SYN2: variants seen among roughly 807,000 people sequenced by gnomAD.
The protein encoded by SYN2 is synapsin II, also known as synapsin-2.
SYN2 carries 19 observed loss-of-function variants against 50.9 expected under a neutral mutation model. That is an observed-to-expected ratio of 0.37 (90% CI 0.26 to 0.55). The LOEUF is 0.55. Among genes scored for constraint, SYN2 ranks in the 20% least tolerant of loss-of-function variants. The pLI is 0.81. For synonymous variants in SYN2, 255 were observed against 224.9 expected, an observed-to-expected ratio of 1.13 and a Z score of -1.20; for missense variants, 587 against 576.4, an observed-to-expected ratio of 1.02 and a Z score of -0.19.
chr3:12,139,727 G>T (rs1487119642), intron 1 of SYN2, among the ~76,000 whole-genome samples: 1 of 152,030 alleles, frequency 6.6e-6, no homozygotes, highest in African/African-American at 2.4e-5. Flanking sequence ...TATTACAGTT[G>T]GAAATTTCAA....
chr3:12,006,566 G>A (rs1481008476), intron 1 of SYN2, among the ~76,000 whole-genome samples: 1 of 152,174 alleles, frequency 6.6e-6, no homozygotes, highest in Non-Finnish European at 1.5e-5. Context: ...GGAAAGGTAA[G>A]TAATATGTTT....
chr3:12,160,592 T>G (rs921125235), intron 5 of SYN2, among the ~76,000 whole-genome samples: 1 of 152,208 alleles, frequency 6.6e-6, no homozygotes, highest in Non-Finnish European at 1.5e-5. Flanking sequence ...TCATACAATG[T>G]TCAGACCAAG....
At chr3:12,154,263 C>G in intron 5 of SYN2, 1 of 1,606,100 alleles carries the variant, frequency 6.2e-7, no homozygotes, top group Non-Finnish European at 8.5e-7. Context: ...TAAATTCATG[C>G]ATGAATGAAG....
Position 12,172,474 on chromosome 3 carries a change from C to A in SYN2, c.1308+2568C>A, listed in dbSNP as rs138225389. 1.1e-3 allele frequency among the ~76,000 whole-genome samples: 160 copies of A among 152,278 alleles called. 1 individual carries two copies. Among genetic ancestry groups the A allele is most frequent in the African/African-American group, 3.8e-3 (157 of 41,540 alleles). ...TATATTATGGGGAACGGATACAGAT[C>A]AAAACTAAGCCAAAGGAAGATGTGT... On this transcript the variant is annotated intron_variant, in intron 10 of 12. Transcript: ENST00000621198.
chr3:12,082,364 G>A (rs1695600813), intron 1 of SYN2, among the ~76,000 whole-genome samples: 1 of 152,188 alleles, frequency 6.6e-6, no homozygotes, highest in African/African-American at 2.4e-5. Flanking sequence ...TCAGCATAAA[G>A]CACATTGCAT....
intron 1 of SYN2, among the ~76,000 whole-genome samples, chr3:12,068,240 T>TG (rs1695264121): frequency 6.6e-6 from 1 of 152,136 alleles, no homozygotes; most frequent in Non-Finnish European, 1.5e-5. Context: ...ACCTTGTACT[T>TG]ATTGATAGTT....
chr3:12,095,092 C>G (rs1695901871), intron 1 of SYN2, among the ~76,000 whole-genome samples: 1 of 152,032 alleles, frequency 6.6e-6, no homozygotes, highest in Non-Finnish European at 1.5e-5. Context: ...GTTGAAGAAC[C>G]AGGAAACTAG....
chr3:12,134,431 GC>G (rs978865371), intron 1 of SYN2, among the ~76,000 whole-genome samples: 12 of 152,176 alleles, frequency 7.9e-5, no homozygotes, highest in African/African-American at 2.2e-4. Flanking sequence ...AGTGTGCTGG[GC>G]CCCTGTAGTG....
intron 1 of SYN2, among the ~76,000 whole-genome samples, chr3:12,094,145 G>A (rs927341802): frequency 1.1e-4 from 16 of 152,090 alleles, no homozygotes; most frequent in African/African-American, 3.1e-4. Flanking sequence ...ATGAGCCACC[G>A]TGCCTGGCCC....
intron 1 of SYN2, among the ~76,000 whole-genome samples, chr3:12,110,934 G>A (rs576238960): frequency 1.3e-5 from 2 of 152,346 alleles, no homozygotes; most frequent in East Asian, 3.9e-4. Flanking sequence ...TCTTGGATGA[G>A]ACTTTGGACT....
intron 1 of SYN2, among the ~76,000 whole-genome samples, chr3:12,102,866 C>T (rs2125190105): frequency 6.6e-6 from 1 of 152,178 alleles, no homozygotes; most frequent in Non-Finnish European, 1.5e-5. Flanking sequence ...CTGATTGATA[C>T]AGACATATAA....
rs573949019 is a variant in SYN2 at position 12,056,056 on chromosome 3, A to G, written c.377+51128A>G. 2.2e-4 allele frequency among the ~76,000 whole-genome samples: 34 copies of G among 152,334 alleles called. No homozygotes were observed. The East Asian group carries it at 5.6e-3, about 25-fold the overall frequency. Reference sequence around the variant, plus strand: ...CAAAACTGCTACTATGGGAAATTCTACATATGGATCAAGATGCTCCAGGCT... The same window carrying G: ...CAAAACTGCTACTATGGGAAATTCTGCATATGGATCAAGATGCTCCAGGCT... On this transcript the variant is annotated intron_variant, in intron 1 of 12. Coordinates refer to ENST00000621198, the MANE Select transcript of SYN2 (RefSeq NM_133625.6).
chr3:12,151,324 A>T lies in SYN2; in HGVS notation c.772A>T (p.Met258Leu). 1 of 1,612,132 alleles carries T rather than the reference A, an allele frequency of 6.2e-7. No homozygotes were observed. Among genetic ancestry groups the T allele is most frequent in the South Asian group, 1.1e-5 (1 of 90,590 alleles). ...GACATACTACCCCAACCACAAAGAGATGGTAAGTGGCTCAGTGGGGACATT... is the reference window on the plus strand; with the variant it reads ...GACATACTACCCCAACCACAAAGAGTTGGTAAGTGGCTCAGTGGGGACATT... ...EQTYYPNHKE[M>L]LTLPTFPVVV... The change falls in exon 5 of 13, where the codon ATG (methionine) becomes TTG (leucine). Residue 258 changes from methionine (M) to leucine (L), a missense_variant and splice_region_variant. Transcript: ENST00000621198.
chr3:12,009,419 AT>A (rs1693871468), intron 1 of SYN2, among the ~76,000 whole-genome samples: 1 of 151,704 alleles, frequency 6.6e-6, no homozygotes, highest in African/African-American at 2.4e-5. Flanking sequence ...ATCCCTTACT[AT>A]CTCAAGGACT....
intron 1 of SYN2, among the ~76,000 whole-genome samples, chr3:12,005,747 G>A (rs1274927120): frequency 7.1e-6 from 1 of 141,822 alleles, no homozygotes; most frequent in Non-Finnish European, 1.5e-5. Flanking sequence ...TAGTAGATGG[G>A]AAACTTCAAT....
At chr3:12,081,056 C>T (rs1428052714) in intron 1 of SYN2, among the ~76,000 whole-genome samples, 1 of 152,138 alleles carries the variant, frequency 6.6e-6, no homozygotes, top group Non-Finnish European at 1.5e-5. Context: ...GATTTTATCA[C>T]ATCTGAATTT....
Position 12,168,475 on chromosome 3 carries a change from TG to T in SYN2, c.1156del (p.Glu386ArgfsTer9). Reference protein sequence around the residue: ...HGKDGKDYIFEVMDCSMPLIG... With the variant: ...HGKDGKDYIFXVMDCSMPLIG... Reference sequence around the variant, plus strand: ...GCAAAGATGGGAAAGACTACATTTTTGAGGTAAGTCTGGACCAAGCAGTAAG... The same window carrying T: ...GCAAAGATGGGAAAGACTACATTTTTAGGTAAGTCTGGACCAAGCAGTAAG... On this transcript the variant is annotated frameshift_variant and splice_region_variant, in exon 9 of 13. Transcript: ENST00000621198. LOFTEE classifies it high-confidence loss of function. 1 of 1,613,530 alleles carries T rather than the reference TG, an allele frequency of 6.2e-7. No homozygotes were observed. Among genetic ancestry groups the T allele is most frequent in the Non-Finnish European group, 8.5e-7 (1 of 1,179,672 alleles).
intron 1 of SYN2, among the ~76,000 whole-genome samples, chr3:12,026,984 C>T (rs1694274740): frequency 6.6e-6 from 1 of 152,114 alleles, no homozygotes; most frequent in African/African-American, 2.4e-5. Context: ...TTAATTGTCT[C>T]AGGGTGTTGG....
chr3:12,044,766 G>GT lies in SYN2; in HGVS notation c.377+39844dup, dbSNP rs561873656. 3.5e-3 allele frequency among the ~76,000 whole-genome samples: 531 copies of GT among 152,212 alleles called. 6 individuals are homozygous for GT. The highest frequency in any genetic ancestry group is 2.5e-3 in the Non-Finnish European group (167 of 68,016). ...AATAAGAAAAATACCTATAGTACAGGTTTTTTATTGTGCTCTATGGCATTG... is the reference window on the plus strand; with the variant it reads ...AATAAGAAAAATACCTATAGTACAGGTTTTTTTATTGTGCTCTATGGCATTG... On this transcript the variant is annotated intron_variant, in intron 1 of 12. Transcript: ENST00000621198.
Sources: allele counts gnomAD v4.1 joint callset (sites outside exome capture counted in the v4.1 genomes callset), GRCh38; gene constraint gnomAD v4.1.1; transcripts MANE v1.5; gene names NCBI Gene and HGNC (gene_info 2026-07-23, HGNC 2026-07-21).